Variants in SORCS1 observed in about 807,000 individuals in gnomAD.
The protein encoded by SORCS1 is sortilin related VPS10 domain containing receptor 1.
SORCS1 carries 60 observed loss-of-function variants against 146.1 expected under a neutral mutation model. The observed-to-expected ratio is 0.41, with a 90% CI of 0.33 to 0.51. SORCS1 has a LOEUF of 0.51. Among genes scored for constraint, SORCS1 ranks in the 20% least tolerant of loss-of-function variants. SORCS1 has a pLI of 0.21. For synonymous variants in SORCS1, 637 were observed against 584.0 expected, an observed-to-expected ratio of 1.09 and a Z score of -1.31; for missense variants, 1,352 against 1,487.6, an observed-to-expected ratio of 0.91 and a Z score of 1.50.
At chr10:106,756,517 C>G (rs1858654639) in intron 5 of SORCS1, among the ~76,000 whole-genome samples, 1 of 152,108 alleles carries the variant, frequency 6.6e-6, no homozygotes, top group Admixed American at 6.5e-5. Flanking sequence ...TAATTGATTT[C>G]CAGCACAGGA....
intron 6 of SORCS1, among the ~76,000 whole-genome samples, chr10:106,726,523 T>C (rs148428192): frequency 8.2e-4 from 124 of 152,128 alleles, no homozygotes; most frequent in Non-Finnish European, 1.5e-3. Flanking sequence ...AATGTGCAGA[T>C]CACAGAGAGT....
At chr10:106,922,050 C>A (rs1024734299) in intron 2 of SORCS1, among the ~76,000 whole-genome samples, 2 of 152,078 alleles carry the variant, frequency 1.3e-5, no homozygotes, top group Admixed American at 6.6e-5. Context: ...TAAGAAAGGT[C>A]AAAAATCTGA....
intron 3 of SORCS1, among the ~76,000 whole-genome samples, 160 bp from the exon 4 acceptor site, chr10:106,776,852 C>T (rs1240051789): frequency 6.6e-6 from 1 of 152,146 alleles, no homozygotes; most frequent in Admixed American, 6.6e-5. Flanking sequence ...ATTTTTCCAT[C>T]TTGGATCAAT....
At chr10:107,168,215 G>A (rs765953046), upstream of SORCS1, among the ~76,000 whole-genome samples, 26 of 151,986 alleles carry the variant, frequency 1.7e-4, no homozygotes, top group East Asian at 5.8e-4. Flanking sequence ...AACGTCCACC[G>A]TCCAACCCCA....
chr10:107,169,683 A>G (rs7907515), upstream of SORCS1, among the ~76,000 whole-genome samples: 35,502 of 152,116 alleles, frequency 0.23, 4,308 homozygotes, highest in African/African-American at 0.29. Flanking sequence ...CAGCAGCTCC[A>G]AAAGATAGGT....
At position 106,618,191 on chromosome 10, in the gene SORCS1, C is replaced by A; in HGVS notation, c.2878G>T (p.Gly960Trp). 1.2e-6 allele frequency: 2 copies of A among 1,614,106 alleles called. No individual in the cohort carries two copies. Among genetic ancestry groups the A allele is most frequent in the South Asian group, 1.1e-5 (1 of 91,078 alleles). The change falls in exon 21 of 26, where the codon GGG becomes TGG. Residue 960 changes from glycine (G) to tryptophan (W), a missense_variant. Transcript: ENST00000263054. ...MNTITVQVSAGNAILQDTKTI... is the reference protein window; with the variant it reads ...MNTITVQVSAWNAILQDTKTI... ...TTTGTGTCTTGTAGGATGGCATTCC[C>A]AGCTGAGACCTGCACTGTGATGGTA...
At chr10:106,775,017 C>G (rs1860319258) in intron 4 of SORCS1, among the ~76,000 whole-genome samples, 3 of 152,210 alleles carry the variant, frequency 2.0e-5, no homozygotes. Flanking sequence ...GGCATCCTAA[C>G]TGGTCTTGTA....
chr10:107,164,066 C>T lies in SORCS1; in HGVS notation c.461G>A (p.Arg154Gln). 2 of 1,613,934 alleles carry T rather than the reference C, an allele frequency of 1.2e-6. No homozygotes were observed. Among genetic ancestry groups the T allele is most frequent in the African/African-American group, 1.3e-5 (1 of 75,014 alleles). The change falls in exon 1 of 26, where the codon CGG (arginine) becomes CAG (glutamine). Residue 154 changes from arginine (R) to glutamine (Q), a missense_variant. By Grantham distance (43) the Arg-to-Gln change is conservative. This residue lies in a region of SORCS1 where 490 missense variants were observed against 489.1 expected (regional missense o/e 1.00). Transcript: ENST00000263054. The surrounding 1 kb of genome is among the most constrained non-coding windows in gnomAD (Gnocchi z 6.8). ...ERDPDKATRF[R>Q]MEELRLTSTT... ...GCTGGTCAGTCTCAGCTCCTCCATC[C>T]GGAAGCGGGTGGCTTTGTCCGGGTC... is the stretch of plus-strand genomic sequence containing the variant.
chr10:106,809,616 G>C (rs988507312), intron 3 of SORCS1, among the ~76,000 whole-genome samples: 1 of 152,124 alleles, frequency 6.6e-6, no homozygotes, highest in African/African-American at 2.4e-5. Flanking sequence ...ACATCTGGTG[G>C]TATCTGGACC....
chr10:106,589,077 A>T (rs993706483), intron 24 of SORCS1, among the ~76,000 whole-genome samples: 2 of 152,092 alleles, frequency 1.3e-5, no homozygotes, highest in African/African-American at 4.8e-5. Context: ...GCAGGGTTTC[A>T]TGTATCTCAA....
At chr10:106,645,228 G>C (rs1018898868) in intron 18 of SORCS1, among the ~76,000 whole-genome samples, 2 of 150,192 alleles carry the variant, frequency 1.3e-5, no homozygotes, top group African/African-American at 4.9e-5. Context: ...GAGTGTAGTA[G>C]TGCAATCTCA....
At chr10:106,706,692 C>G in intron 7 of SORCS1, 58 bp from the exon 8 acceptor site, 5 of 1,499,168 alleles carry the variant, frequency 3.3e-6, no homozygotes, top group East Asian at 2.3e-5. Context: ...GCACAGGTCA[C>G]AGAACAGTCA....
intron 2 of SORCS1, among the ~76,000 whole-genome samples, chr10:106,896,738 C>T (rs931711624): frequency 6.6e-6 from 1 of 151,404 alleles, no homozygotes; most frequent in Non-Finnish European, 1.5e-5. Flanking sequence ...AACTAAAGCA[C>T]CAACCCATAA....
At chr10:106,767,377 A>C (rs1378184237) in intron 4 of SORCS1, among the ~76,000 whole-genome samples, 8 of 152,206 alleles carry the variant, frequency 5.3e-5, no homozygotes, top group Non-Finnish European at 2.9e-5. Flanking sequence ...GGGAGGGCCA[A>C]TATATGACTG....
At chr10:107,045,717 T>C (rs1959318638) in intron 1 of SORCS1, among the ~76,000 whole-genome samples, 1 of 152,006 alleles carries the variant, frequency 6.6e-6, no homozygotes, top group African/African-American at 2.4e-5. Context: ...AATGTTTAAA[T>C]TAATAACATG....
intron 1 of SORCS1, among the ~76,000 whole-genome samples, chr10:107,056,866 G>T (rs1960688454): frequency 6.6e-6 from 1 of 152,160 alleles, no homozygotes; most frequent in African/African-American, 2.4e-5. Flanking sequence ...TCACCAATAG[G>T]CCAGGTAATG....
At chr10:106,764,171 C>T (rs1433573417) in intron 4 of SORCS1, among the ~76,000 whole-genome samples, 6 of 152,130 alleles carry the variant, frequency 3.9e-5, no homozygotes, top group African/African-American at 1.4e-4. Context: ...TTTGAAACTC[C>T]CAAGGATTTG....
At chr10:107,114,284 A>G (rs576535665) in intron 1 of SORCS1, among the ~76,000 whole-genome samples, 3 of 152,218 alleles carry the variant, frequency 2.0e-5, no homozygotes, top group Non-Finnish European at 4.4e-5. Flanking sequence ...TGAGGCCAGC[A>G]TAACCTTCAA....
chr10:106,851,050 C>G (rs1410375056), intron 2 of SORCS1, among the ~76,000 whole-genome samples: 1 of 152,216 alleles, frequency 6.6e-6, no homozygotes, highest in Non-Finnish European at 1.5e-5. Context: ...TAATCCTAGC[C>G]ACCTGCACCA....
Sources: gnomAD v4.1 joint callset for allele counts (sites outside exome capture counted in the v4.1 genomes callset) on GRCh38, gnomAD v4.1.1 for gene constraint, gnomAD v4.1.1 regional missense constraint, Gnocchi (gnomAD v3.1) non-coding constraint, MANE v1.5 for transcripts, NCBI Gene and HGNC (gene_info 2026-07-23, HGNC 2026-07-21) for gene names.